Variants in NRG1 observed in about 807,000 individuals in gnomAD.
The protein encoded by NRG1 is neuregulin 1.
A neutral mutation model predicts 63.8 loss-of-function variants in NRG1; 18 were observed. The ratio of observed to expected loss-of-function variants is 0.28; its 90% CI spans 0.19 to 0.42. The LOEUF is 0.42. Ranked by LOEUF, NRG1 falls within the 10% of genes least tolerant of loss-of-function variation. NRG1 has a pLI of 1.00. For missense variants in NRG1, 762 were observed against 814.7 expected, an observed-to-expected ratio of 0.94 and a Z score of 0.79; for synonymous variants, 302 against 301.3, an observed-to-expected ratio of 1.00 and a Z score of -0.02.
intron 1 of NRG1, among the ~76,000 whole-genome samples, chr8:32,268,917 G>C (rs1443423070): frequency 3.9e-5 from 6 of 152,172 alleles, no homozygotes; most frequent in African/African-American, 1.4e-4. Flanking sequence ...ATCACTTAAA[G>C]AACAGGGATA....
intron 1 of NRG1, among the ~76,000 whole-genome samples, chr8:31,820,212 C>G (rs1311656524): frequency 6.6e-6 from 1 of 152,106 alleles, no homozygotes; most frequent in African/African-American, 2.4e-5. Context: ...GCGATGAGGG[C>G]CAGATATCTA....
At chr8:31,907,706 A>T (rs1832642215) in intron 1 of NRG1, among the ~76,000 whole-genome samples, 1 of 152,174 alleles carries the variant, frequency 6.6e-6, no homozygotes. Flanking sequence ...AAGACTCTAT[A>T]ATAAACTTAC....
rs113834724 is a variant in NRG1, at chr8:32,004,028, A to G, written c.37+364597A>G. ...AAATACCATTGAAGATGGGATATCC[A>G]TAAAATGGAATATTATTCAGCAATA... On this transcript the variant is annotated intron_variant, in intron 1 of 10. Coordinates refer to the NRG1 transcript ENST00000519301. 5.9e-3 allele frequency among the ~76,000 whole-genome samples: 895 copies of G among 152,186 alleles called. 3 individuals are homozygous for G. The highest frequency in any genetic ancestry group is 9.6e-3 in the Non-Finnish European group (654 of 67,976).
At chr8:31,648,798 C>G (rs1804557217) in intron 1 of NRG1, among the ~76,000 whole-genome samples, 1 of 152,168 alleles carries the variant, frequency 6.6e-6, no homozygotes, top group South Asian at 2.1e-4. Context: ...GTTTATTCAT[C>G]CATCCATCCA....
intron 6 of NRG1, among the ~76,000 whole-genome samples, chr8:32,737,822 G>A (rs951566454): frequency 4.6e-5 from 7 of 151,484 alleles, no homozygotes; most frequent in Admixed American, 2.0e-4. Flanking sequence ...GATTACAGGC[G>A]CCCACCACCA....
At position 32,298,258 on chromosome 8, in the gene NRG1, T is replaced by C. The variant is rs150070342; in HGVS notation, c.38-297570T>C. Among the ~76,000 whole-genome samples the C allele has an allele frequency of 1.9e-3, 293 of 152,372 alleles. 1 individual carries two copies. The highest frequency in any genetic ancestry group is 3.9e-3 in the Admixed American group (60 of 15,300). On this transcript the variant is annotated intron_variant, in intron 1 of 10. Transcript: ENST00000519301. ...GAAGACATCTCCAGTTTGGAAAATC[T>C]ATTAAGCAAATCCTTTTCAACTTAA...
chr8:32,625,536 A>G (rs541651497), intron 5 of NRG1, among the ~76,000 whole-genome samples: 3 of 152,358 alleles, frequency 2.0e-5, no homozygotes, highest in Admixed American at 1.3e-4. Context: ...GCTTTGTGAA[A>G]TGTTGCAGAA....
chr8:32,265,076 G>A (rs565895721), intron 1 of NRG1, among the ~76,000 whole-genome samples: 45 of 152,172 alleles, frequency 3.0e-4, no homozygotes, highest in Non-Finnish European at 5.7e-4. Context: ...AGTGACTCAC[G>A]CCTGTAATCC....
At chr8:31,939,980 G>A (rs927030384) in intron 1 of NRG1, among the ~76,000 whole-genome samples, 5 of 152,070 alleles carry the variant, frequency 3.3e-5, no homozygotes, top group African/African-American at 1.2e-4. Flanking sequence ...GGGGACTTCA[G>A]TACTCCCCTG....
chr8:31,803,997 C>T (rs778274106), intron 1 of NRG1, among the ~76,000 whole-genome samples: 2 of 152,172 alleles, frequency 1.3e-5, no homozygotes, highest in Non-Finnish European at 2.9e-5. Flanking sequence ...TGCCGAATAT[C>T]GCCTTTCCCC....
chr8:32,433,009 C>T (rs1442723642), intron 1 of NRG1, among the ~76,000 whole-genome samples: 1 of 152,108 alleles, frequency 6.6e-6, no homozygotes, highest in Non-Finnish European at 1.5e-5. Context: ...TACAACTCTG[C>T]CTGTTTATCT....
intron 1 of NRG1, among the ~76,000 whole-genome samples, chr8:32,490,374 G>T (rs1214104621): frequency 6.6e-6 from 1 of 151,928 alleles, no homozygotes; most frequent in Non-Finnish European, 1.5e-5. Flanking sequence ...AGCTCAGCTT[G>T]TATTTTAACA....
intron 1 of NRG1, among the ~76,000 whole-genome samples, chr8:32,293,722 T>G (rs1363658814): frequency 7.8e-6 from 1 of 128,354 alleles, no homozygotes; most frequent in Non-Finnish European, 1.8e-5. Context: ...CTTCTTCTTT[T>G]TTTTTTTTTT....
At chr8:31,817,084 G>T (rs1281448716) in intron 1 of NRG1, among the ~76,000 whole-genome samples, 1 of 152,162 alleles carries the variant, frequency 6.6e-6, no homozygotes, top group Non-Finnish European at 1.5e-5. Flanking sequence ...GCACCTCTAA[G>T]CAGTGCTTGC....
chr8:32,669,311 G>A (rs920958630), intron 5 of NRG1, among the ~76,000 whole-genome samples: 1 of 152,168 alleles, frequency 6.6e-6, no homozygotes, highest in African/African-American at 2.4e-5. Context: ...GATGTATCAG[G>A]TGTGTTCAAT....
chr8:32,460,502 T>C (rs992646893), intron 1 of NRG1, among the ~76,000 whole-genome samples: 1 of 152,214 alleles, frequency 6.6e-6, no homozygotes, highest in African/African-American at 2.4e-5. Context: ...ACTTTGAACA[T>C]TTGATGCTTG....
At chr8:32,387,929 G>T (rs1223353786) in intron 1 of NRG1, among the ~76,000 whole-genome samples, 9 of 152,154 alleles carry the variant, frequency 5.9e-5, no homozygotes, top group African/African-American at 1.9e-4. Context: ...TATCAATTGA[G>T]CTGGGATTAG....
intron 1 of NRG1, among the ~76,000 whole-genome samples, chr8:32,435,664 C>G (rs1818699241): frequency 6.6e-6 from 1 of 152,088 alleles, no homozygotes; most frequent in African/African-American, 2.4e-5. Flanking sequence ...GTAAAGAAGT[C>G]TCTGTCCACA....
intron 1 of NRG1, among the ~76,000 whole-genome samples, chr8:31,696,011 A>C (rs1262436178): frequency 7.4e-6 from 1 of 134,964 alleles, no homozygotes; most frequent in Non-Finnish European, 1.5e-5. Context: ...AAGGATTAAA[A>C]GATAATGGAT....
Sources: gnomAD v4.1 joint callset for allele counts (sites outside exome capture counted in the v4.1 genomes callset) on GRCh38, gnomAD v4.1.1 for gene constraint, MANE v1.5 for transcripts, NCBI Gene and HGNC (gene_info 2026-07-23, HGNC 2026-07-21) for gene names.